Variants in ADCK2 observed in about 807,000 individuals in gnomAD.
ADCK2 encodes uncharacterized aarF domain-containing protein kinase 2.
A neutral mutation model predicts 52.3 loss-of-function variants in ADCK2; 37 were observed. That is an observed-to-expected ratio of 0.71 (90% CI 0.54 to 0.93). ADCK2 has a LOEUF of 0.93. Ranked by LOEUF, ADCK2 falls within the 40% of genes least tolerant of loss-of-function variation. ADCK2 has a pLI of 0.00. For synonymous variants in ADCK2, 321 were observed against 349.2 expected (o/e 0.92, Z 0.90); for missense variants, 695 against 798.7 (o/e 0.87, Z 1.56).
intron 2 of ADCK2, among the ~76,000 whole-genome samples, chr7:140,677,254 A>G (rs2130780878): frequency 1.3e-5 from 2 of 152,132 alleles, no homozygotes; most frequent in South Asian, 4.1e-4. Context: ...CTAAAAATAC[A>G]AAAATTAGCC....
At chr7:140,682,207 A>G (rs1794528256) in intron 4 of ADCK2, among the ~76,000 whole-genome samples, 1 of 152,214 alleles carries the variant, frequency 6.6e-6, no homozygotes, top group Non-Finnish European at 1.5e-5. Flanking sequence ...AATGATTTAT[A>G]GGGATAGGTA....
At position 140,673,255 on chromosome 7, in the gene ADCK2, G is replaced by T; in HGVS notation, c.-76G>T. ...GTCCGCGGGGTCAGGGCCGGGCTTC[G>T]GCTTCACCGCAGCCTCGCCTGAGCG... On this transcript the variant is annotated 5_prime_UTR_variant, in exon 1 of 8. Transcript: ENST00000072869. This position sits in a 1 kb window ranked among gnomAD's most constrained non-coding sequence, Gnocchi z 6.4. 2 of 1,296,756 alleles carry T rather than the reference G, an allele frequency of 1.5e-6. No homozygotes were observed. Among genetic ancestry groups the T allele is most frequent in the South Asian group, 1.8e-5 (1 of 55,214 alleles). 80.3% of individuals were successfully genotyped at this position (1,296,756 alleles called of 1,614,324 possible). A position where few individuals can be genotyped will look rare whatever the true frequency, so the allele number is the denominator to read the frequency against.
At chr7:140,679,874 G>A (rs543651468) in intron 3 of ADCK2, among the ~76,000 whole-genome samples, 143 of 151,680 alleles carry the variant, frequency 9.4e-4, no homozygotes, top group African/African-American at 3.0e-3. Flanking sequence ...GAGTTTTGCC[G>A]TGTTGGCCAG....
chr7:140,681,234 C>A, intron 4 of ADCK2, 97 bp downstream of exon 4: 1 of 1,171,946 alleles, frequency 8.5e-7, no homozygotes, highest in Non-Finnish European at 1.3e-6. Flanking sequence ...GGAAGGAGAG[C>A]GAAGCAGCAA....
chr7:140,689,535 G>A, intron 5 of ADCK2, 62 bp from the exon 6 acceptor site: 1 of 1,514,860 alleles, frequency 6.6e-7, no homozygotes, highest in Non-Finnish European at 8.9e-7. Context: ...AAAGACGCTT[G>A]GGCACCGCAT....
intron 2 of ADCK2, among the ~76,000 whole-genome samples, chr7:140,675,250 TAAAAAC>T (rs2130779240): frequency 6.6e-6 from 1 of 151,918 alleles, no homozygotes; most frequent in Admixed American, 6.6e-5. Flanking sequence ...AAAAGAAAAA[TAAAAAC>T]AAAAAACAAA....
chr7:140,673,343 T>C lies in ADCK2; in HGVS notation c.13T>C (p.Trp5Arg). Residue 5 changes from tryptophan (W) to arginine (R), a missense_variant, in exon 1 of 8, where the codon TGG becomes CGG. By Grantham distance (101) the Trp-to-Arg change is moderately radical. Coordinates refer to ENST00000072869, the MANE Select transcript of ADCK2 (RefSeq NM_052853.4). This position sits in a 1 kb window ranked among gnomAD's most constrained non-coding sequence, Gnocchi z 6.4. Reference sequence around the variant, plus strand: ...GGGCCTCGGGAGGATGGTGGCGCCCTGGCGCGTCTCCGTCAGGGTTTGCCT... The same window carrying C: ...GGGCCTCGGGAGGATGGTGGCGCCCCGGCGCGTCTCCGTCAGGGTTTGCCT... MVAP[W>R]RVSVRVCLSH... 6 of 1,456,660 alleles carry C rather than the reference T, an allele frequency of 4.1e-6. No homozygotes were observed. The highest frequency in any genetic ancestry group is 5.4e-6 in the Non-Finnish European group (6 of 1,102,550). The allele number at this position is 1,456,660 out of a possible 1,614,324, so 90.2% of individuals were successfully genotyped here. A position where few individuals can be genotyped will look rare whatever the true frequency, so the allele number is the denominator to read the frequency against.
At chr7:140,690,850 T>A in intron 7 of ADCK2, 37 bp downstream of exon 7, 1 of 1,599,970 alleles carries the variant, frequency 6.3e-7, no homozygotes, top group Non-Finnish European at 8.6e-7. Flanking sequence ...CTGGGGAAGG[T>A]GGGACGGGGC....
Position 140,682,894 on chromosome 7 carries a change from C to T in ADCK2, c.1305+1757C>T, listed in dbSNP as rs943904128. ...GGCAGCATGCCTTTAGTCCCAGCTA[C>T]CTGGGAGGCTGAGGTGGGATCACCT... On this transcript the variant is annotated intron_variant, in intron 4 of 7. Coordinates refer to ENST00000072869, the MANE Select transcript of ADCK2 (RefSeq NM_052853.4). Among the ~76,000 whole-genome samples the T allele has an allele frequency of 1.2e-3, 178 of 150,276 alleles. 1 individual carries two copies. The highest frequency in any genetic ancestry group is 4.1e-3 in the African/African-American group (166 of 40,864).
chr7:140,692,865 G>A (rs1375691791), intron 7 of ADCK2, among the ~76,000 whole-genome samples: 3 of 152,202 alleles, frequency 2.0e-5, no homozygotes, highest in African/African-American at 7.2e-5. Context: ...ATGCCCCAAA[G>A]TAGGTTTTCT....
Position 140,673,547 on chromosome 7 carries a change from A to G in ADCK2, c.217A>G (p.Ser73Gly), listed in dbSNP as rs574217210. 21 of 1,600,808 alleles carry G rather than the reference A, an allele frequency of 1.3e-5. No homozygotes were observed. In the South Asian group the frequency reaches 2.2e-4, roughly 17 times the overall value. The change falls in exon 1 of 8, where the codon AGC becomes GGC. Residue 73 changes from serine (S) to glycine (G), a missense_variant. Transcript: ENST00000072869. This position sits in a 1 kb window ranked among gnomAD's most constrained non-coding sequence, Gnocchi z 6.4. ...DVLSRRRVRC[S>G]GAAGAGPAES... ...TCTGAGTCGGCGAAGGGTCCGCTGCAGCGGGGCGGCTGGCGCGGGGCCCGC... is the reference window on the plus strand; with the variant it reads ...TCTGAGTCGGCGAAGGGTCCGCTGCGGCGGGGCGGCTGGCGCGGGGCCCGC...
At chr7:140,691,177 C>T (rs1794696963) in intron 7 of ADCK2, among the ~76,000 whole-genome samples, 1 of 152,024 alleles carries the variant, frequency 6.6e-6, no homozygotes, top group East Asian at 1.9e-4. Context: ...CCACCCTTCT[C>T]GGCCTCCCAA....
At chr7:140,684,725 G>C (rs1030367790) in intron 4 of ADCK2, among the ~76,000 whole-genome samples, 1 of 152,196 alleles carries the variant, frequency 6.6e-6, no homozygotes, top group Non-Finnish European at 1.5e-5. Flanking sequence ...GGAAGGCTGA[G>C]AGCCGTTGTG....
At chr7:140,680,063 G>C (rs1017639839) in intron 3 of ADCK2, among the ~76,000 whole-genome samples, 2 of 152,226 alleles carry the variant, frequency 1.3e-5, no homozygotes, top group Middle Eastern at 3.4e-3. Flanking sequence ...GTGTGAACTT[G>C]AGCAAGTTGC....
chr7:140,676,492 C>G (rs4727014), intron 2 of ADCK2, among the ~76,000 whole-genome samples: 1 of 152,238 alleles, frequency 6.6e-6, no homozygotes, highest in Non-Finnish European at 1.5e-5. Flanking sequence ...TGCCACTCAT[C>G]TGAGTTTCAG....
intron 5 of ADCK2, 58 bp from the exon 6 acceptor site, chr7:140,689,539 A>G: frequency 1.3e-6 from 2 of 1,518,200 alleles, no homozygotes; most frequent in South Asian, 2.6e-5. Context: ...ACGCTTGGGC[A>G]CCGCATCCAG....
rs367838426 is a variant in ADCK2, at chr7:140,674,304, C to G, written c.933+41C>G. 1.9e-6 allele frequency: 3 copies of G among 1,551,142 alleles called. No individual in the cohort carries two copies. The highest frequency in any genetic ancestry group is 2.7e-5 in the African/African-American group (2 of 72,870). ...GCTCACAGCTCACCTACCCACTGAGCTATCCCAGATCAGAAACAACCGCCA... is the reference window on the plus strand; with the variant it reads ...GCTCACAGCTCACCTACCCACTGAGGTATCCCAGATCAGAAACAACCGCCA... On this transcript the variant is annotated intron_variant, in intron 1 of 7. Coordinates refer to ENST00000072869, the MANE Select transcript of ADCK2 (RefSeq NM_052853.4). This position sits in a 1 kb window ranked among gnomAD's most constrained non-coding sequence, Gnocchi z 4.6.
Position 140,693,045 on chromosome 7 carries a change from G to C in ADCK2, c.1741-1618G>C, listed in dbSNP as rs1794734802. Among the ~76,000 whole-genome samples the C allele has an allele frequency of 6.6e-6, 1 of 152,172 alleles. No individual in the cohort carries two copies. The highest frequency in any genetic ancestry group is 2.4e-5 in the African/African-American group (1 of 41,442). ...AATGGGTGTGAGGTGATGTCTCATTGTGGTTTTGATTGCATTTCTCTACTG... is the reference window on the plus strand; with the variant it reads ...AATGGGTGTGAGGTGATGTCTCATTCTGGTTTTGATTGCATTTCTCTACTG... On this transcript the variant is annotated intron_variant, in intron 7 of 7. Coordinates refer to ENST00000072869, the MANE Select transcript of ADCK2 (RefSeq NM_052853.4). This position sits in a 1 kb window ranked among gnomAD's most constrained non-coding sequence, Gnocchi z 4.0.
At chr7:140,676,635 A>G (rs1206164333) in intron 2 of ADCK2, among the ~76,000 whole-genome samples, 1 of 152,182 alleles carries the variant, frequency 6.6e-6, no homozygotes, top group East Asian at 1.9e-4. Flanking sequence ...TAGTCCCATC[A>G]TGTTCCTAGG....
Sources: gnomAD v4.1 joint callset for allele counts (sites outside exome capture counted in the v4.1 genomes callset) on GRCh38, gnomAD v4.1.1 for gene constraint, Gnocchi (gnomAD v3.1) non-coding constraint, MANE v1.5 for transcripts, NCBI Gene and HGNC (gene_info 2026-07-23, HGNC 2026-07-21) for gene names.